Variants in VPS13A observed in about 807,000 individuals in gnomAD.
The protein encoded by VPS13A is vacuolar protein sorting 13 homolog A.
Under a neutral mutation model 390.9 loss-of-function variants are expected in VPS13A, and 264 were observed. The observed-to-expected ratio is 0.68, with a 90% CI of 0.61 to 0.75. The LOEUF (loss-of-function observed/expected upper bound fraction) is 0.75. VPS13A is among the 30% of genes least tolerant of loss of function. The pLI is 0.00. For missense variants in VPS13A, 3,409 were observed against 3,733.9 expected (o/e 0.91, Z 2.27); for synonymous variants, 1,231 against 1,227.1 (o/e 1.00, Z -0.07).
Position 77,331,876 on chromosome 9 carries a change from T to C in VPS13A, c.5992-134T>C, listed in dbSNP as rs1830293209. 6.4e-6 allele frequency: 4 copies of C among 620,568 alleles called. No individual in the cohort carries two copies. In the East Asian group the frequency reaches 1.2e-4, roughly 18 times the overall value. 38.4% of individuals were successfully genotyped at this position (620,568 alleles called of 1,614,324 possible). On this transcript the variant is annotated intron_variant, in intron 45 of 71. Transcript: ENST00000360280. The stretch of plus-strand genomic sequence containing the variant: ...AGGATAAATAATATGTTTGTTTCTT[T>C]TCTAATTTATATAAGCAAGATGAAT...
At chr9:77,311,355 A>G (rs1437704751) in intron 35 of VPS13A, among the ~76,000 whole-genome samples, 3 of 152,214 alleles carry the variant, frequency 2.0e-5, no homozygotes, top group Admixed American at 6.5e-5. Context: ...CTATTTTTCC[A>G]TAAGCAATAA....
chr9:77,200,487 TCAAAA>T (rs1047217805), intron 2 of VPS13A, among the ~76,000 whole-genome samples: 5 of 152,148 alleles, frequency 3.3e-5, no homozygotes, highest in African/African-American at 7.2e-5. Flanking sequence ...AGACTCTGTC[TCAAAA>T]CAAAACAAAA....
At chr9:77,268,939 C>CAAAA (rs34989883) in intron 23 of VPS13A, among the ~76,000 whole-genome samples, 1 of 104,572 alleles carries the variant, frequency 9.6e-6, no homozygotes, top group Non-Finnish European at 2.0e-5. Context: ...TACTCCATCT[C>CAAAA]AAAAAAAAAA....
At chr9:77,344,073 C>G (rs1383750252) in intron 50 of VPS13A, 80 bp from the exon 51 acceptor site, 2 of 1,312,088 alleles carry the variant, frequency 1.5e-6, no homozygotes, top group East Asian at 5.1e-5. Flanking sequence ...TAAGTCTATT[C>G]TGATGGGAAT....
At chr9:77,230,730 A>G (rs2131208700) in intron 17 of VPS13A, among the ~76,000 whole-genome samples, 1 of 152,102 alleles carries the variant, frequency 6.6e-6, no homozygotes, top group African/African-American at 2.4e-5. Flanking sequence ...AAATTTTAAG[A>G]TTATGTTGTC....
At chr9:77,283,760 T>A (rs2131350815) in intron 31 of VPS13A, 110 bp downstream of exon 31, 1 of 892,068 alleles carries the variant, frequency 1.1e-6, no homozygotes, top group East Asian at 2.7e-5. Context: ...TATGGCTTAT[T>A]ATGTGCATGG....
intron 52 of VPS13A, among the ~76,000 whole-genome samples, chr9:77,348,698 T>C (rs934845948): frequency 6.6e-6 from 1 of 152,176 alleles, no homozygotes; most frequent in Non-Finnish European, 1.5e-5. Context: ...CAGTTTTTGA[T>C]AGCACCTTTA....
At chr9:77,348,112 C>G (rs1467152398) in intron 52 of VPS13A, among the ~76,000 whole-genome samples, 1 of 152,172 alleles carries the variant, frequency 6.6e-6, no homozygotes, top group Non-Finnish European at 1.5e-5. Context: ...ACCCAGCAGT[C>G]CCCTTCCTGG....
chr9:77,210,773 T>G (rs1002132201), intron 7 of VPS13A, 98 bp downstream of exon 7: 81 of 1,251,970 alleles, frequency 6.5e-5, no homozygotes, highest in Middle Eastern at 2.6e-4. Flanking sequence ...AATAGGTGTC[T>G]ATGTAGAACG....
intron 23 of VPS13A, among the ~76,000 whole-genome samples, chr9:77,264,440 T>C (rs896517137): frequency 6.6e-6 from 1 of 152,192 alleles, no homozygotes; most frequent in Non-Finnish European, 1.5e-5. Context: ...TGGAATGTCT[T>C]TCCATTTGTT....
intron 32 of VPS13A, among the ~76,000 whole-genome samples, chr9:77,294,726 T>C (rs1004666222): frequency 2.0e-5 from 3 of 152,042 alleles, no homozygotes; most frequent in African/African-American, 7.2e-5. Context: ...AAAATTAGAG[T>C]TGGGTTCTTG....
chr9:77,369,113 A>T (rs1396549060), intron 62 of VPS13A, among the ~76,000 whole-genome samples, 186 bp from the exon 63 acceptor site: 1 of 152,236 alleles, frequency 6.6e-6, no homozygotes, highest in African/African-American at 2.4e-5. Flanking sequence ...CCTGGGCAAC[A>T]GAGCAGGACT....
At chr9:77,305,030 T>C (rs984716079) in intron 34 of VPS13A, among the ~76,000 whole-genome samples, 2 of 151,674 alleles carry the variant, frequency 1.3e-5, no homozygotes, top group Admixed American at 6.6e-5. Context: ...GCTCCGCCTC[T>C]GGGGTTCACG....
rs534297856 is a variant in VPS13A at position 77,205,446 on chromosome 9, C to A, written c.283+38C>A. On this transcript the variant is annotated intron_variant, in intron 4 of 71. Transcript: ENST00000360280. ...TAAAAAAATTATAATTTAAGTTATTCTTTTTTATGGATGGAAAAATATTTA... is the reference window on the plus strand; with the variant it reads ...TAAAAAAATTATAATTTAAGTTATTATTTTTTATGGATGGAAAAATATTTA... 3 of 992,160 alleles carry A rather than the reference C, an allele frequency of 3.0e-6. No individual in the cohort carries two copies. In the South Asian group the frequency reaches 8.0e-5, roughly 26 times the overall value. 61.5% of individuals were successfully genotyped at this position (992,160 alleles called of 1,614,324 possible). A position where few individuals can be genotyped will look rare whatever the true frequency, so the allele number is the denominator to read the frequency against.
Position 77,220,075 on chromosome 9 carries a change from A to C in VPS13A, c.876A>C (p.Lys292Asn). 1 of 1,606,248 alleles carries C rather than the reference A, an allele frequency of 6.2e-7. No homozygotes were observed. The highest frequency in any genetic ancestry group is 8.5e-7 in the Non-Finnish European group (1 of 1,174,484). ...ELHNIAIEFN[K>N]PQYFSIMELL... Reference sequence around the variant, plus strand: ...ATAACATAGCAATTGAATTTAATAAACCACAGGTGATTTTCTTTAATATAA... The same window carrying C: ...ATAACATAGCAATTGAATTTAATAACCCACAGGTGATTTTCTTTAATATAA... Residue 292 changes from lysine to asparagine, a missense_variant, in exon 11 of 72, where the codon AAA becomes AAC. Physicochemically the swap from Lys to Asn is moderately conservative, Grantham distance 94. Transcript: ENST00000360280.
At chr9:77,377,211 T>TTTTTTTG (rs1554675536) in intron 67 of VPS13A, among the ~76,000 whole-genome samples, 1 of 111,916 alleles carries the variant, frequency 8.9e-6, no homozygotes, top group Non-Finnish European at 1.9e-5. Flanking sequence ...CTGTTTTTTT[T>TTTTTTTG]TTTTTTTTTT....
intron 17 of VPS13A, among the ~76,000 whole-genome samples, chr9:77,233,392 T>G (rs1474306178): frequency 6.6e-6 from 1 of 152,118 alleles, no homozygotes; most frequent in Non-Finnish European, 1.5e-5. Context: ...TTTTGTTTTC[T>G]GTATTTCATT....
intron 68 of VPS13A, among the ~76,000 whole-genome samples, chr9:77,397,495 TTTTA>T (rs1374947570): frequency 2.0e-5 from 3 of 152,322 alleles, no homozygotes; most frequent in African/African-American, 7.2e-5. Context: ...ACTTAAAGCC[TTTTA>T]TTTTAGTGAT....
chr9:77,216,557 G>T (rs1232454866), intron 10 of VPS13A, among the ~76,000 whole-genome samples: 2 of 152,130 alleles, frequency 1.3e-5, no homozygotes, highest in Non-Finnish European at 2.9e-5. Context: ...AGTTGTGAGA[G>T]AAGTCCTTAT....
Sources: allele counts gnomAD v4.1 joint callset (sites outside exome capture counted in the v4.1 genomes callset), GRCh38; gene constraint gnomAD v4.1.1; transcripts MANE v1.5; gene names NCBI Gene and HGNC (gene_info 2026-07-23, HGNC 2026-07-21).